Variants in EDEM3 observed in about 807,000 individuals in gnomAD.
EDEM3 encodes ER degradation-enhancing alpha-mannosidase-like protein 3.
In EDEM3, 60 loss-of-function variants were observed where a neutral mutation model predicts 110.2. The ratio of observed to expected loss-of-function variants is 0.54; its 90% CI spans 0.44 to 0.67. EDEM3 has a LOEUF of 0.67. Among genes scored for constraint, EDEM3 ranks in the 30% least tolerant of loss-of-function variants. The pLI is 0.00. For missense variants in EDEM3, 996 were observed against 1,121.0 expected (o/e 0.89, Z 1.59); for synonymous variants, 352 against 382.9 (o/e 0.92, Z 0.94).
At chr1:184,750,888 A>G (rs1271092609) in intron 1 of EDEM3, among the ~76,000 whole-genome samples, 3 of 152,116 alleles carry the variant, frequency 2.0e-5, no homozygotes, top group African/African-American at 7.2e-5. Context: ...ATTGCTGACT[A>G]TATTTTTATT....
chr1:184,698,790 CAG>C (rs71816609), intron 19 of EDEM3, among the ~76,000 whole-genome samples: 4,304 of 151,096 alleles, frequency 0.028, 78 homozygotes, highest in Non-Finnish European at 0.041. Flanking sequence ...GAGACAGAGA[CAG>C]AGAGAGAGAG....
intron 13 of EDEM3, among the ~76,000 whole-genome samples, chr1:184,715,735 T>C (rs1376756804): frequency 6.6e-6 from 1 of 152,200 alleles, no homozygotes; most frequent in African/African-American, 2.4e-5. Flanking sequence ...ATAAAATGCT[T>C]AGAAGACTGT....
At chr1:184,745,619 CA>C (rs35580716) in intron 2 of EDEM3, among the ~76,000 whole-genome samples, 1 of 151,612 alleles carries the variant, frequency 6.6e-6, no homozygotes, top group Admixed American at 6.6e-5. Context: ...AGAGGCACTC[CA>C]AAAAAATGTA....
At chr1:184,720,259 AC>A (rs1292449157) in intron 9 of EDEM3, among the ~76,000 whole-genome samples, 1 of 150,500 alleles carries the variant, frequency 6.6e-6, no homozygotes, top group Admixed American at 6.6e-5. Flanking sequence ...TGACTTATTA[AC>A]TTTTACTAAT....
Position 184,716,890 on chromosome 1 carries a change from G to A in EDEM3, c.1368C>T (p.Asp456=). The A allele has an allele frequency of 1.2e-6, 2 of 1,612,974 alleles. No homozygotes were observed. The highest frequency in any genetic ancestry group is 1.7e-6 in the Non-Finnish European group (2 of 1,179,170). Residue 456 remains aspartate, a splice_region_variant and synonymous_variant, in exon 13 of 20, where the codon GAC becomes GAT. Coordinates refer to ENST00000318130, the MANE Select transcript of EDEM3 (RefSeq NM_025191.4). ...MKDVRTGSHE[D]RMDSFFLAEM... is the part of the protein sequence containing the mutation. ...GAGGATGTTAGCAATTGTTTTACCTGTCCTCATGACTTCCAGTACGAACAT... is the reference window on the plus strand; with the variant it reads ...GAGGATGTTAGCAATTGTTTTACCTATCCTCATGACTTCCAGTACGAACAT...
At chr1:184,748,162 A>G (rs561441352) in intron 2 of EDEM3, among the ~76,000 whole-genome samples, 2 of 152,296 alleles carry the variant, frequency 1.3e-5, no homozygotes, top group South Asian at 4.1e-4. Context: ...TAATTAAAAA[A>G]CAGAACGGGT....
At chr1:184,717,095 TA>T (rs1650595034) in intron 12 of EDEM3, 83 bp from the exon 13 acceptor site, 1 of 1,172,690 alleles carries the variant, frequency 8.5e-7, no homozygotes, top group Non-Finnish European at 1.2e-6. Flanking sequence ...ATTTATTGAG[TA>T]CCTACTAGGT....
rs1650299061 is a variant in EDEM3, at chr1:184,712,422, T to A, written c.1536+11A>T. ...AAAAAAGAGAATAAGACATTTCATT[T>A]AAAAACTCACTGTGTTCTTTTTAGA... On this transcript the variant is annotated intron_variant, in intron 14 of 19. Transcript: ENST00000318130. 2 of 1,579,220 alleles carry A rather than the reference T, an allele frequency of 1.3e-6. No homozygotes were observed. The highest frequency in any genetic ancestry group is 4.5e-5 in the East Asian group (2 of 44,062).
chr1:184,711,130 C>T (rs1215957782), intron 15 of EDEM3, among the ~76,000 whole-genome samples: 2 of 151,974 alleles, frequency 1.3e-5, no homozygotes, highest in African/African-American at 4.8e-5. Flanking sequence ...TGGAGTTTCG[C>T]TCTTGTCACC....
At position 184,710,764 on chromosome 1, in the gene EDEM3, C is replaced by T. The variant is rs557515699; in HGVS notation, c.1692-217G>A. ...CTAGTTATAAAAGTTTGTATATTAT[C>T]TATATAAGGCAGTATTAGTCAAGAG... On this transcript the variant is annotated intron_variant, in intron 15 of 19. Transcript: ENST00000318130. 5.9e-5 allele frequency among the ~76,000 whole-genome samples: 9 copies of T among 152,184 alleles called. No homozygotes were observed. In the East Asian group the frequency reaches 1.7e-3, roughly 29 times the overall value.
chr1:184,717,332 C>G (rs1230842626), intron 12 of EDEM3, among the ~76,000 whole-genome samples: 1 of 151,910 alleles, frequency 6.6e-6, no homozygotes, highest in African/African-American at 2.4e-5. Flanking sequence ...GAAATGTTTA[C>G]ATAATATTTT....
intron 19 of EDEM3, chr1:184,701,656 C>A: frequency 2.5e-5 from 15 of 611,460 alleles, no homozygotes; most frequent in East Asian, 7.5e-5. Flanking sequence ...TATATGTAGG[C>A]AAGAAGATCT....
At position 184,690,375 on chromosome 1, in the gene EDEM3, T is replaced by A. The variant is rs1054680327; in HGVS notation, c.*3688A>T. The A allele has an allele frequency of 2.0e-5, 3 of 150,108 alleles. No individual in the cohort carries two copies. Among genetic ancestry groups the A allele is most frequent in the Non-Finnish European group, 4.4e-5 (3 of 67,742 alleles). 9.3% of individuals were successfully genotyped at this position (150,108 alleles called of 1,614,324 possible). A position where few individuals can be genotyped will look rare whatever the true frequency, so the allele number is the denominator to read the frequency against. On this transcript the variant is annotated 3_prime_UTR_variant, in exon 20 of 20. Transcript: ENST00000318130. ...GCTTGGGTTTCTACAGCCTAAAATGTCCCCAGAATTCAATCCCCGGAGGAT... is the reference window on the plus strand; with the variant it reads ...GCTTGGGTTTCTACAGCCTAAAATGACCCCAGAATTCAATCCCCGGAGGAT...
Position 184,691,621 on chromosome 1 carries a change from TA to T in EDEM3, c.*2441del, listed in dbSNP as rs558088632. 1,899 of 122,232 alleles carry T rather than the reference TA, an allele frequency of 0.016. 26 individuals are homozygous for T. Among genetic ancestry groups the T allele is most frequent in the African/African-American group, 0.041 (1,397 of 33,796 alleles). The allele number at this position is 122,232 out of a possible 1,614,324, so 7.6% of individuals were successfully genotyped here. ...AAAAGTTAACTAAAAAACAAAACAC[TA>T]AAAAAAAAAAAAACAACTAATGCCT... On this transcript the variant is annotated 3_prime_UTR_variant, in exon 20 of 20. Transcript: ENST00000318130.
chr1:184,748,245 G>C (rs1467595087), intron 2 of EDEM3, among the ~76,000 whole-genome samples: 1 of 152,024 alleles, frequency 6.6e-6, no homozygotes, highest in Non-Finnish European at 1.5e-5. Context: ...TCAGAAGTTC[G>C]AGACCAGCCT....
At chr1:184,743,840 T>C (rs1057363320) in intron 2 of EDEM3, among the ~76,000 whole-genome samples, 1 of 152,118 alleles carries the variant, frequency 6.6e-6, no homozygotes, top group African/African-American at 2.4e-5. Context: ...AGGGAAAGGA[T>C]ATTATTTTCA....
At position 184,691,708 on chromosome 1, in the gene EDEM3, T is replaced by C. The variant is rs1188281937; in HGVS notation, c.*2355A>G. The C allele has an allele frequency of 6.6e-6, 1 of 152,178 alleles. No homozygotes were observed. Among genetic ancestry groups the C allele is most frequent in the Non-Finnish European group, 1.5e-5 (1 of 67,988 alleles). The allele number at this position is 152,178 out of a possible 1,614,324, so 9.4% of individuals were successfully genotyped here. A position where few individuals can be genotyped will look rare whatever the true frequency, so the allele number is the denominator to read the frequency against. On this transcript the variant is annotated 3_prime_UTR_variant, in exon 20 of 20. Coordinates refer to ENST00000318130, the MANE Select transcript of EDEM3 (RefSeq NM_025191.4). ...GCAGTATGTCAAGTAAGTAAATGAA[T>C]GTAGAGTTGTAATTACAACGTTGGA...
intron 6 of EDEM3, among the ~76,000 whole-genome samples, chr1:184,731,493 G>A (rs930708159): frequency 3.3e-5 from 5 of 151,966 alleles, no homozygotes; most frequent in South Asian, 2.1e-4. Context: ...TCCTCCTTTC[G>A]AAGTTCCCTT....
At chr1:184,705,520 G>T (rs894747365) in intron 18 of EDEM3, among the ~76,000 whole-genome samples, 1 of 152,194 alleles carries the variant, frequency 6.6e-6, no homozygotes. Flanking sequence ...AATGGGCAAT[G>T]AGCTGGATTT....
Sources: allele counts gnomAD v4.1 joint callset (sites outside exome capture counted in the v4.1 genomes callset), GRCh38; gene constraint gnomAD v4.1.1; transcripts MANE v1.5; gene names NCBI Gene and HGNC (gene_info 2026-07-23, HGNC 2026-07-21).